FAT2: variants seen among roughly 807,000 people sequenced by gnomAD.
FAT2 encodes the protein protocadherin Fat 2.
A neutral mutation model predicts 295.3 loss-of-function variants in FAT2; 150 were observed. The ratio of observed to expected loss-of-function variants is 0.51; its 90% CI spans 0.44 to 0.58. The LOEUF (loss-of-function observed/expected upper bound fraction) is 0.58. FAT2 is among the 20% of genes least tolerant of loss of function. The pLI is 0.00. For missense variants in FAT2, 4,868 were observed against 5,442.7 expected, an observed-to-expected ratio of 0.89 and a Z score of 3.32; for synonymous variants, 2,026 against 2,150.3, an observed-to-expected ratio of 0.94 and a Z score of 1.60.
intron 3 of FAT2, among the ~76,000 whole-genome samples, chr5:151,557,497 T>C (rs1371021787): frequency 6.6e-6 from 1 of 152,078 alleles, no homozygotes; most frequent in Non-Finnish European, 1.5e-5. Flanking sequence ...AAAGAGACTT[T>C]TTTCTGCTGC....
In FAT2 at chr5:151,550,638, T is replaced by G. The variant is rs775182584; in HGVS notation, c.4530A>C (p.Gly1510=). The G allele has an allele frequency of 6.2e-7, 1 of 1,614,162 alleles. No individual in the cohort carries two copies. Among genetic ancestry groups the G allele is most frequent in the Admixed American group, 1.7e-5 (1 of 60,026 alleles). ...DPSSGVLVTV[G]KLDLGSGPSQ... is the part of the protein sequence containing the mutation. ...AGGGCCCCGAGCCGAGGTCCAATTT[T>G]CCCACCGTTACCAGGACACCACTGC... The change falls in exon 8 of 24, where the codon GGA becomes GGC. Residue 1510 remains glycine, a synonymous_variant. Coordinates refer to ENST00000261800, the MANE Select transcript of FAT2 (RefSeq NM_001447.3).
At position 151,543,077 on chromosome 5, in the gene FAT2, T is replaced by C. The variant is rs767646214; in HGVS notation, c.8050A>G (p.Lys2684Glu). The C allele has an allele frequency of 1.2e-6, 2 of 1,614,164 alleles. No individual in the cohort carries two copies. Among genetic ancestry groups the C allele is most frequent in the Non-Finnish European group, 1.7e-6 (2 of 1,180,042 alleles). ...LVPVRLQVVP[K>E]KVSLPKFSEP... is the part of the protein sequence containing the mutation. Reference sequence around the variant, plus strand: ...GAAAATTTCGGTAAGGATACTTTTTTAGGAACCACCTGAAGTCGTACTGGC... The same window carrying C: ...GAAAATTTCGGTAAGGATACTTTTTCAGGAACCACCTGAAGTCGTACTGGC... Residue 2684 changes from lysine (K) to glutamate (E), a missense_variant, in exon 10 of 24, where the codon AAA (lysine) becomes GAA (glutamate). By Grantham distance (56) the Lys-to-Glu change is moderately conservative. This residue lies in a region of FAT2 where 3,297 missense variants were observed against 3,669.4 expected (regional missense o/e 0.90). Coordinates refer to ENST00000261800, the MANE Select transcript of FAT2 (RefSeq NM_001447.3).
chr5:151,572,422 G>T (rs532633092), intron 1 of FAT2, among the ~76,000 whole-genome samples: 1 of 152,320 alleles, frequency 6.6e-6, no homozygotes, highest in African/African-American at 2.4e-5. Context: ...AAAGTCACAG[G>T]GTGAGAATTA....
At chr5:151,556,525 T>C in intron 3 of FAT2, 123 bp from the exon 4 acceptor site, 1 of 671,814 alleles carries the variant, frequency 1.5e-6, no homozygotes, top group East Asian at 2.6e-5. Flanking sequence ...GAAGAACATG[T>C]AAAGACCATC....
intron 23 of FAT2, 152 bp from the exon 24 acceptor site, chr5:151,506,249 T>C: frequency 1.3e-6 from 1 of 775,614 alleles, no homozygotes; most frequent in Non-Finnish European, 1.8e-6. Context: ...TGGCTTACGT[T>C]GATAACATAG....
Position 151,543,767 on chromosome 5 carries a change from C to A in FAT2, c.7360G>T (p.Val2454Leu). 6.2e-7 allele frequency: 1 copy of A among 1,614,152 alleles called. No individual in the cohort carries two copies. Among genetic ancestry groups the A allele is most frequent in the Non-Finnish European group, 8.5e-7 (1 of 1,180,038 alleles). The change falls in exon 10 of 24, where the codon GTA (valine) becomes TTA (leucine). Residue 2454 changes from valine to leucine, a missense_variant. Coordinates refer to ENST00000261800, the MANE Select transcript of FAT2 (RefSeq NM_001447.3). ...CGGAAGACTCCATCAGAAGCACCTACCCTCAAATTGTAAGAAGAGTCCAGG... is the reference window on the plus strand; with the variant it reads ...CGGAAGACTCCATCAGAAGCACCTAACCTCAAATTGTAAGAAGAGTCCAGG... ...KHLDSSYNLR[V>L]GASDGVFRAT...
In FAT2 at chr5:151,510,181, G is replaced by C; in HGVS notation, c.11906-7C>G. 2 of 1,613,852 alleles carry C rather than the reference G, an allele frequency of 1.2e-6. No individual in the cohort carries two copies. The highest frequency in any genetic ancestry group is 1.7e-6 in the Non-Finnish European group (2 of 1,179,856). On this transcript the variant is annotated splice_region_variant and splice_polypyrimidine_tract_variant and intron_variant, in intron 21 of 23. Coordinates refer to ENST00000261800, the MANE Select transcript of FAT2 (RefSeq NM_001447.3). ...GGACATTTGCAGACATAGCCTAGGA[G>C]AAAAAGAAGGGAGGTGAGAGACCGC...
At chr5:151,541,481 G>C (rs1274328878) in intron 10 of FAT2, among the ~76,000 whole-genome samples, 1 of 152,202 alleles carries the variant, frequency 6.6e-6, no homozygotes, top group African/African-American at 2.4e-5. Context: ...TCGGGAGTCT[G>C]TGGTTCTTGG....
chr5:151,575,181 T>C (rs1332386727), intron 1 of FAT2, among the ~76,000 whole-genome samples: 2 of 152,230 alleles, frequency 1.3e-5, no homozygotes, highest in African/African-American at 4.8e-5. Context: ...GAAATCCTTA[T>C]CTAGGACATG....
At chr5:151,536,298 A>G (rs1755276278) in intron 12 of FAT2, among the ~76,000 whole-genome samples, 1 of 152,196 alleles carries the variant, frequency 6.6e-6, no homozygotes, top group Non-Finnish European at 1.5e-5. Context: ...GAGGTTAAAT[A>G]ACCTGCCTGG....
chr5:151,521,606 G>A lies in FAT2; in HGVS notation c.10987C>T (p.Arg3663Trp), dbSNP rs200726748. 3.0e-5 allele frequency: 49 copies of A among 1,614,052 alleles called. No individual in the cohort carries two copies. The highest frequency in any genetic ancestry group is 8.8e-5 in the South Asian group (8 of 91,094). Residue 3663 changes from arginine (R) to tryptophan (W), a missense_variant, in exon 19 of 24, where the codon CGG (arginine) becomes TGG (tryptophan). Coordinates refer to ENST00000261800, the MANE Select transcript of FAT2 (RefSeq NM_001447.3). ...AGGCTGGCCAAGTGAATGTTAGCCCGTTTGATGTCCAGCTTATGGCTGAGG... is the reference window on the plus strand; with the variant it reads ...AGGCTGGCCAAGTGAATGTTAGCCCATTTGATGTCCAGCTTATGGCTGAGG... ...RFLSHKLDIK[R>W]ANIHLASLQP... is the part of the protein sequence containing the mutation.
chr5:151,523,946 C>A (rs908941346), intron 18 of FAT2, among the ~76,000 whole-genome samples: 2 of 152,160 alleles, frequency 1.3e-5, no homozygotes, highest in African/African-American at 4.8e-5. Context: ...CCTGAATCGT[C>A]TCTGTTCTTT....
chr5:151,577,592 G>A (rs578257135), intron 1 of FAT2, among the ~76,000 whole-genome samples: 2 of 152,184 alleles, frequency 1.3e-5, no homozygotes, highest in Admixed American at 6.5e-5. Flanking sequence ...AGTCAGGGAA[G>A]TCCTATATGA....
At chr5:151,514,483 A>G (rs552720488) in intron 20 of FAT2, among the ~76,000 whole-genome samples, 1 of 152,246 alleles carries the variant, frequency 6.6e-6, no homozygotes, top group Non-Finnish European at 1.5e-5. Context: ...GGAAAAAGCT[A>G]ACTCTCCACC....
At chr5:151,536,465 G>A (rs756546850) in intron 12 of FAT2, among the ~76,000 whole-genome samples, 1 of 152,094 alleles carries the variant, frequency 6.6e-6, no homozygotes, top group African/African-American at 2.4e-5. Context: ...GTCAGCAGCT[G>A]GCCCTTGTGA....
At chr5:151,582,457 A>G (rs145024055) in intron 1 of FAT2, among the ~76,000 whole-genome samples, 19 of 152,234 alleles carry the variant, frequency 1.2e-4, no homozygotes, top group African/African-American at 4.6e-4. Flanking sequence ...AAAAATATAT[A>G]TATTCCCAGC....
Position 151,525,953 on chromosome 5 carries a change from T to C in FAT2, c.10321A>G (p.Ile3441Val). 1.2e-6 allele frequency: 2 copies of C among 1,614,036 alleles called. No homozygotes were observed. The highest frequency in any genetic ancestry group is 1.7e-6 in the Non-Finnish European group (2 of 1,179,980). The change falls in exon 18 of 24, where the codon ATT becomes GTT. Residue 3441 changes from isoleucine (I) to valine (V), a missense_variant. Transcript: ENST00000261800. ...YSTTVQENSP[I>V]GSKVLQLILS... ...ATCAGCTGCAGGACTTTGCTGCCAATGGGGGAGTTCTCCTGAGACCGAGAG... is the reference window on the plus strand; with the variant it reads ...ATCAGCTGCAGGACTTTGCTGCCAACGGGGGAGTTCTCCTGAGACCGAGAG...
rs1423970882 is a variant in FAT2, at chr5:151,568,405, T to A, written c.527A>T (p.Asp176Val). ...PICKVTATDA[D>V]LGQNAEFYYA... The stretch of plus-strand genomic sequence containing the variant: ...ATAGAACTCAGCATTCTGGCCTAGA[T>A]CAGCATCTGTGGCAGTCACCTTGCA... The change falls in exon 2 of 24, where the codon GAT (aspartate) becomes GTT (valine). Residue 176 changes from aspartate to valine, a missense_variant. By Grantham distance (152) the Asp-to-Val change is radical. Transcript: ENST00000261800. The A allele has an allele frequency of 6.2e-7, 1 of 1,614,202 alleles. No individual in the cohort carries two copies. The highest frequency in any genetic ancestry group is 8.5e-7 in the Non-Finnish European group (1 of 1,180,028).
At position 151,525,817 on chromosome 5, in the gene FAT2, G is replaced by A. The variant is rs2127584087; in HGVS notation, c.10457C>T (p.Ala3486Val). 1 of 1,614,102 alleles carries A rather than the reference G, an allele frequency of 6.2e-7. No homozygotes were observed. The highest frequency in any genetic ancestry group is 8.5e-7 in the Non-Finnish European group (1 of 1,180,032). The change falls in exon 18 of 24, where the codon GCT becomes GTT. Residue 3486 changes from alanine (A) to valine (V), a missense_variant. Ala to Val is a moderately conservative substitution (Grantham distance 64). Around this residue, in one of 5 missense-constraint regions of FAT2, gnomAD observed 1,046 missense variants for 1,210.1 expected, o/e 0.86. Coordinates refer to ENST00000261800, the MANE Select transcript of FAT2 (RefSeq NM_001447.3). ...CTGAGCCCTCCTGCTTAGGCCCTCA[G>A]CAGTCACCAGCCATCCATCCGGGGT... is the stretch of plus-strand genomic sequence containing the variant. ...RVTPDGWLVT[A>V]EGLSRRAQEW... is the part of the protein sequence containing the mutation.
Sources: gnomAD v4.1 joint callset for allele counts (sites outside exome capture counted in the v4.1 genomes callset) on GRCh38, gnomAD v4.1.1 for gene constraint, gnomAD v4.1.1 regional missense constraint, MANE v1.5 for transcripts, NCBI Gene and HGNC (gene_info 2026-07-23, HGNC 2026-07-21) for gene names.